The following ANKRD42 variants were observed in gnomAD, a reference collection of about 807,000 sequenced individuals.
ANKRD42 encodes the protein ankyrin repeat domain 42, also known as ankyrin repeat domain-containing protein 42.
In ANKRD42, 43 loss-of-function variants were observed where a neutral mutation model predicts 51.5. That is an observed-to-expected ratio of 0.83 (90% CI 0.65 to 1.08). The LOEUF (loss-of-function observed/expected upper bound fraction) is 1.08. Among genes scored for constraint, ANKRD42 ranks in the 50% least tolerant of loss-of-function variants. The probability of loss-of-function intolerance (pLI) is 0.00; values close to 1 mark genes in which losing one functional copy is unlikely to be tolerated. For synonymous variants in ANKRD42, 203 were observed against 213.0 expected (o/e 0.95, Z 0.41); for missense variants, 608 against 629.3 (o/e 0.97, Z 0.36).
At chr11:83,226,947 A>T (rs745879173) in intron 6 of ANKRD42, among the ~76,000 whole-genome samples, 2 of 152,174 alleles carry the variant, frequency 1.3e-5, no homozygotes, top group Non-Finnish European at 2.9e-5. Context: ...ATACCATTTT[A>T]TATAAGGGAC....
chr11:83,197,466 C>T (rs867570655), intron 1 of ANKRD42, among the ~76,000 whole-genome samples: 4 of 152,098 alleles, frequency 2.6e-5, no homozygotes, highest in African/African-American at 9.7e-5. Flanking sequence ...GATATAATTC[C>T]AGTGTAAAAT....
At chr11:83,226,489 A>T (rs533967664) in intron 6 of ANKRD42, among the ~76,000 whole-genome samples, 1 of 152,330 alleles carries the variant, frequency 6.6e-6, no homozygotes, top group Non-Finnish European at 1.5e-5. Context: ...TCATTTTTAC[A>T]TATGGAAAGA....
Position 83,225,005 on chromosome 11 carries a change from A to T in ANKRD42, c.737A>T (p.Gln246Leu), listed in dbSNP as rs1471558427. Residue 246 changes from glutamine (Q) to leucine (L), a missense_variant, in exon 6 of 11, where the codon CAG becomes CTG. Coordinates refer to ENST00000533342, the MANE Select transcript of ANKRD42 (RefSeq NM_001300975.2). ...AQRFFKQNIL[Q>L]FIQGAEYEGK... is the part of the protein sequence containing the mutation. ...AGGTTCTTCAAGCAGAACATTTTAC[A>T]GTTTATCCAGGGGGCTGAGTATGAA... is the stretch of plus-strand genomic sequence containing the variant. 6.2e-7 allele frequency: 1 copy of T among 1,613,376 alleles called. No individual in the cohort carries two copies. The highest frequency in any genetic ancestry group is 8.5e-7 in the Non-Finnish European group (1 of 1,179,490).
intron 5 of ANKRD42, chr11:83,214,534 A>G (rs2135510981): frequency 1.0e-6 from 1 of 983,046 alleles, no homozygotes. Flanking sequence ...ATGTTAAGAA[A>G]GAATGTGGCC....
intron 8 of ANKRD42, among the ~76,000 whole-genome samples, chr11:83,239,058 T>C (rs943672718): frequency 1.3e-5 from 2 of 152,154 alleles, no homozygotes; most frequent in African/African-American, 2.4e-5. Flanking sequence ...TCTGTTGTTC[T>C]ACATTCTCAC....
Position 83,248,603 on chromosome 11 carries a change from G to T in ANKRD42, c.*399G>T. 1 of 987,386 alleles carries T rather than the reference G, an allele frequency of 1.0e-6. No homozygotes were observed. Among genetic ancestry groups the T allele is most frequent in the Non-Finnish European group, 1.2e-6 (1 of 831,352 alleles). 61.2% of individuals were successfully genotyped at this position (987,386 alleles called of 1,614,324 possible). On this transcript the variant is annotated 3_prime_UTR_variant, in exon 11 of 11. Coordinates refer to ENST00000533342, the MANE Select transcript of ANKRD42 (RefSeq NM_001300975.2). ...CAATCATCATGGATGAATTAATTCT[G>T]TTTGAGGCTTGTGTCACCTCAAATC... is the stretch of plus-strand genomic sequence containing the variant.
At chr11:83,264,190 G>C (rs1864105867), downstream of ANKRD42, among the ~76,000 whole-genome samples, 1 of 152,128 alleles carries the variant, frequency 6.6e-6, no homozygotes, top group Non-Finnish European at 1.5e-5. Context: ...AAGGGAGAAT[G>C]CCTGTTAATA....
chr11:83,245,339 T>C (rs1442174666), intron 9 of ANKRD42, among the ~76,000 whole-genome samples, 159 bp from the exon 10 acceptor site: 1 of 152,236 alleles, frequency 6.6e-6, no homozygotes, highest in Non-Finnish European at 1.5e-5. Flanking sequence ...CTGTTACTGA[T>C]ATTTATCCTT....
chr11:83,254,430 C>CTTTTTTTTTTTTTTT (rs778427623), intron 11 of ANKRD42, among the ~76,000 whole-genome samples: 2 of 130,412 alleles, frequency 1.5e-5, no homozygotes. Flanking sequence ...TTTCTTTTTT[C>CTTTTTTTTTTTTTTT]TTTTCTTTTT....
At position 83,232,101 on chromosome 11, in the gene ANKRD42, CTTTTTT is replaced by C. The variant is rs59648047; in HGVS notation, c.913+4241_913+4246del. 1.3e-4 allele frequency among the ~76,000 whole-genome samples: 18 copies of C among 140,522 alleles called. 1 individual carries two copies. Among genetic ancestry groups the C allele is most frequent in the Non-Finnish European group, 2.3e-4 (15 of 64,676 alleles). 92.2% of individuals were successfully genotyped at this position (140,522 alleles called of 152,430 possible). A position where few individuals can be genotyped will look rare whatever the true frequency, so the allele number is the denominator to read the frequency against. On this transcript the variant is annotated intron_variant, in intron 7 of 10. Transcript: ENST00000533342. ...TTTTGTGGTTCCATATAAATTTTAG[CTTTTTT>C]TTTTTTTTTTTCTATTTCCGTGCAG...
At chr11:83,256,381 A>G (rs190704645), downstream of ANKRD42, among the ~76,000 whole-genome samples, 13 of 152,306 alleles carry the variant, frequency 8.5e-5, no homozygotes, top group African/African-American at 3.1e-4. Context: ...GCGTAACTGC[A>G]AGCTTTTTAA....
intron 7 of ANKRD42, among the ~76,000 whole-genome samples, chr11:83,228,592 G>A (rs973970346): frequency 2.0e-5 from 3 of 152,068 alleles, no homozygotes; most frequent in African/African-American, 4.8e-5. Flanking sequence ...TAATATAATC[G>A]TGTTTGAATT....
intron 5 of ANKRD42, among the ~76,000 whole-genome samples, chr11:83,221,114 A>G (rs560790558): frequency 2.6e-5 from 4 of 151,956 alleles, no homozygotes; most frequent in South Asian, 4.2e-4. Context: ...GTATTTTCAA[A>G]TAGCCTATTT....
intron 4 of ANKRD42, 179 bp from the exon 5 acceptor site, chr11:83,211,116 T>C: frequency 1.3e-6 from 1 of 769,018 alleles, no homozygotes; most frequent in Non-Finnish European, 2.1e-6. Flanking sequence ...AAGCCTGTTT[T>C]ATAAAATTTT....
At chr11:83,219,487 G>A (rs767421928) in intron 5 of ANKRD42, among the ~76,000 whole-genome samples, 2 of 152,226 alleles carry the variant, frequency 1.3e-5, no homozygotes, top group Non-Finnish European at 2.9e-5. Context: ...CGTATAGTAA[G>A]TTTAAAGGGG....
chr11:83,252,577 T>A (rs1430779940), downstream of ANKRD42, among the ~76,000 whole-genome samples: 3 of 152,182 alleles, frequency 2.0e-5, no homozygotes, highest in African/African-American at 7.2e-5. Flanking sequence ...CTATGCTGAC[T>A]AAAAGGAAAC....
At chr11:83,235,305 T>C (rs1863191943) in intron 7 of ANKRD42, among the ~76,000 whole-genome samples, 1 of 152,190 alleles carries the variant, frequency 6.6e-6, no homozygotes. Flanking sequence ...TTCATAGGGA[T>C]TTGGTAATAA....
In ANKRD42 at chr11:83,194,488, G is replaced by T. The variant is rs1266304872; in HGVS notation, c.-183G>T. On this transcript the variant is annotated 5_prime_UTR_variant, in exon 1 of 11. Coordinates refer to ENST00000533342, the MANE Select transcript of ANKRD42 (RefSeq NM_001300975.2). ...CAGTGGCTTTTGGGAGAGAGAAAGT[G>T]AAGACGAAGGTTTCCGCTGCAGCTT... 1.4e-6 allele frequency: 1 copy of T among 714,076 alleles called. No homozygotes were observed. The highest frequency in any genetic ancestry group is 2.0e-5 in the Admixed American group (1 of 49,976). The allele number at this position is 714,076 out of a possible 1,614,324, so 44.2% of individuals were successfully genotyped here. A position where few individuals can be genotyped will look rare whatever the true frequency, so the allele number is the denominator to read the frequency against.
At chr11:83,244,869 C>T (rs55854426) in intron 9 of ANKRD42, among the ~76,000 whole-genome samples, 4,251 of 152,092 alleles carry the variant, frequency 0.028, 117 homozygotes, top group South Asian at 0.08. Flanking sequence ...GTAGATTGCA[C>T]GTGGTCCTGT....
Sources: allele counts gnomAD v4.1 joint callset (sites outside exome capture counted in the v4.1 genomes callset), GRCh38; gene constraint gnomAD v4.1.1; transcripts MANE v1.5; gene names NCBI Gene and HGNC (gene_info 2026-07-23, HGNC 2026-07-21).